Variants in RASAL2 observed in about 807,000 individuals in gnomAD.
RASAL2 encodes the protein ras GTPase-activating protein nGAP.
RASAL2 carries 58 observed loss-of-function variants against 128.9 expected under a neutral mutation model. The observed-to-expected ratio is 0.45, with a 90% CI of 0.36 to 0.56. The LOEUF (loss-of-function observed/expected upper bound fraction) is 0.56, where lower values mean the gene tolerates loss of function less well. Ranked by LOEUF, RASAL2 falls within the 20% of genes least tolerant of loss-of-function variation. RASAL2 has a pLI of 0.00. For missense variants in RASAL2, 1,360 were observed against 1,601.6 expected, an observed-to-expected ratio of 0.85 and a Z score of 2.57; for synonymous variants, 561 against 580.8, an observed-to-expected ratio of 0.97 and a Z score of 0.49.
At chr1:178,203,934 A>C (rs778976437) in intron 1 of RASAL2, among the ~76,000 whole-genome samples, 2 of 152,162 alleles carry the variant, frequency 1.3e-5, no homozygotes, top group African/African-American at 2.4e-5. Flanking sequence ...ACTCTTCAGG[A>C]ATGAAGGTTT....
chr1:178,320,775 T>C, intron 3 of RASAL2, among the ~76,000 whole-genome samples: 1 of 152,244 alleles, frequency 6.6e-6, no homozygotes, highest in Non-Finnish European at 1.5e-5. Context: ...CGCTGGGAGC[T>C]GTAGACCGGA....
intron 1 of RASAL2, among the ~76,000 whole-genome samples, chr1:178,253,681 G>A (rs1665166610): frequency 6.6e-6 from 1 of 152,158 alleles, no homozygotes; most frequent in Admixed American, 6.5e-5. Context: ...GGGCATGGGT[G>A]GGGGTCACAA....
chr1:178,333,693 A>G (rs371653889), intron 3 of RASAL2, among the ~76,000 whole-genome samples: 11 of 152,238 alleles, frequency 7.2e-5, no homozygotes, highest in Admixed American at 2.6e-4. Context: ...GTTGATAGTA[A>G]CTACTGTTGA....
chr1:178,178,643 C>A (rs915842339), intron 1 of RASAL2, among the ~76,000 whole-genome samples: 1 of 152,108 alleles, frequency 6.6e-6, no homozygotes, highest in Non-Finnish European at 1.5e-5. Context: ...AGTGCTTGTG[C>A]TTTTCTGAAT....
At chr1:178,272,444 C>A (rs1279156190) in intron 1 of RASAL2, among the ~76,000 whole-genome samples, 2 of 151,654 alleles carry the variant, frequency 1.3e-5, no homozygotes, top group African/African-American at 4.8e-5. Context: ...ATTAAAGGAC[C>A]CCCCCTTTCC....
intron 4 of RASAL2, among the ~76,000 whole-genome samples, chr1:178,400,984 C>T (rs1207860958): frequency 6.6e-6 from 1 of 152,198 alleles, no homozygotes; most frequent in East Asian, 1.9e-4. Flanking sequence ...CTCCTGCCCT[C>T]AGGTGATCCA....
intron 1 of RASAL2, among the ~76,000 whole-genome samples, chr1:178,156,190 C>T (rs769265551): frequency 6.6e-6 from 1 of 152,148 alleles, no homozygotes; most frequent in Non-Finnish European, 1.5e-5. Flanking sequence ...TACCGTATTA[C>T]TCAGTATTTG....
At chr1:178,344,129 T>A (rs957900515) in intron 3 of RASAL2, among the ~76,000 whole-genome samples, 3 of 152,174 alleles carry the variant, frequency 2.0e-5, no homozygotes, top group African/African-American at 4.8e-5. Context: ...TGATACTGTT[T>A]TAAAATTTTT....
At chr1:178,157,248 T>C (rs1362868944) in intron 1 of RASAL2, among the ~76,000 whole-genome samples, 1 of 152,202 alleles carries the variant, frequency 6.6e-6, no homozygotes, top group Non-Finnish European at 1.5e-5. Context: ...GAGTAGGCAC[T>C]TGATCTGGCA....
chr1:178,150,317 C>T (rs769711884), intron 1 of RASAL2, among the ~76,000 whole-genome samples: 1 of 151,886 alleles, frequency 6.6e-6, no homozygotes, highest in Non-Finnish European at 1.5e-5. Context: ...ACCTTAGCCT[C>T]CCAAGTAGCT....
intron 5 of RASAL2, among the ~76,000 whole-genome samples, chr1:178,435,100 G>A (rs573461020): frequency 1.8e-4 from 27 of 152,070 alleles, no homozygotes; most frequent in African/African-American, 6.5e-4. Context: ...TATCTCATCA[G>A]GAATTCACTG....
chr1:178,442,655 GC>G lies in RASAL2; in HGVS notation c.928-19del, dbSNP rs1676740855. 1.9e-6 allele frequency: 3 copies of G among 1,558,778 alleles called. No homozygotes were observed. The highest frequency in any genetic ancestry group is 2.6e-6 in the Non-Finnish European group (3 of 1,157,540). On this transcript the variant is annotated intron_variant, in intron 7 of 17. Coordinates refer to ENST00000367649, the MANE Select transcript of RASAL2 (RefSeq NM_170692.4). ...TCTGCAATGTCAGCTCTGAAATTCA[GC>G]TTTGTTGCCTCTTTATAGGACAATT...
intron 9 of RASAL2, among the ~76,000 whole-genome samples, chr1:178,450,802 A>G (rs1426601512): frequency 6.6e-6 from 1 of 152,188 alleles, no homozygotes; most frequent in Non-Finnish European, 1.5e-5. Flanking sequence ...AGATTTGAAC[A>G]TGAATAAAAC....
At chr1:178,323,888 A>G (rs1461705159) in intron 3 of RASAL2, among the ~76,000 whole-genome samples, 4 of 152,200 alleles carry the variant, frequency 2.6e-5, no homozygotes, top group Admixed American at 6.5e-5. Flanking sequence ...ACCACACAAG[A>G]AGATTTAGCA....
chr1:178,182,166 C>T (rs1307587972), intron 1 of RASAL2, among the ~76,000 whole-genome samples: 1 of 152,192 alleles, frequency 6.6e-6, no homozygotes, highest in Non-Finnish European at 1.5e-5. Context: ...TCATACCTTG[C>T]ATTACTATCC....
chr1:178,137,543 T>A (rs1660370444), intron 1 of RASAL2, among the ~76,000 whole-genome samples: 1 of 152,340 alleles, frequency 6.6e-6, no homozygotes, highest in East Asian at 1.9e-4. Context: ...GCTTTTTTTC[T>A]GTTGGTGCTA....
intron 1 of RASAL2, among the ~76,000 whole-genome samples, chr1:178,152,019 A>G (rs1414348625): frequency 6.6e-6 from 1 of 152,204 alleles, no homozygotes; most frequent in African/African-American, 2.4e-5. Context: ...TTTGTTAGTC[A>G]TAAGAAGTTC....
intron 1 of RASAL2, among the ~76,000 whole-genome samples, chr1:178,162,407 TATATTATATATA>T (rs1375447652): frequency 8.4e-6 from 1 of 119,426 alleles, no homozygotes; most frequent in Admixed American, 1.1e-4. Flanking sequence ...ATATATTTTA[TATATTATATATA>T]ATATTATATA....
chr1:178,313,667 T>G (rs866550996), intron 3 of RASAL2, among the ~76,000 whole-genome samples: 21 of 152,278 alleles, frequency 1.4e-4, no homozygotes, highest in African/African-American at 4.1e-4. Context: ...ATTAAGGGCA[T>G]TAATTCCTTA....
Sources: gnomAD v4.1 joint callset for allele counts (sites outside exome capture counted in the v4.1 genomes callset) on GRCh38, gnomAD v4.1.1 for gene constraint, MANE v1.5 for transcripts, NCBI Gene and HGNC (gene_info 2026-07-23, HGNC 2026-07-21) for gene names.